The following MAN1A1 variants were observed in gnomAD, a reference collection of about 807,000 sequenced individuals.
The protein encoded by MAN1A1 is mannosidase alpha class 1A member 1.
MAN1A1 carries 29 observed loss-of-function variants against 70.8 expected under a neutral mutation model. That is an observed-to-expected ratio of 0.41 (90% CI 0.31 to 0.56). The LOEUF is 0.56. Among genes scored for constraint, MAN1A1 ranks in the 20% least tolerant of loss-of-function variants. The pLI, the probability that MAN1A1 is intolerant of heterozygous loss-of-function variation, is 0.29. For synonymous variants in MAN1A1, 349 were observed against 330.1 expected (o/e 1.06, Z -0.62); for missense variants, 747 against 841.3 (o/e 0.89, Z 1.39).
intron 2 of MAN1A1, among the ~76,000 whole-genome samples, chr6:119,307,476 T>C (rs777417701): frequency 5.3e-5 from 8 of 152,240 alleles, no homozygotes; most frequent in Non-Finnish European, 1.2e-4. Flanking sequence ...TGACGAAGAC[T>C]ATATGGAGAA....
intron 2 of MAN1A1, among the ~76,000 whole-genome samples, chr6:119,341,573 T>C (rs1339153393): frequency 6.6e-6 from 1 of 152,168 alleles, no homozygotes; most frequent in Non-Finnish European, 1.5e-5. Flanking sequence ...CTAATAAATC[T>C]AAATTCAATG....
intron 5 of MAN1A1, among the ~76,000 whole-genome samples, chr6:119,260,342 T>C (rs1308449067): frequency 6.6e-6 from 1 of 152,204 alleles, no homozygotes; most frequent in Non-Finnish European, 1.5e-5. Context: ...TCTGGTATAA[T>C]AAGGATACAC....
At chr6:119,347,922 T>A (rs1773776352) in intron 2 of MAN1A1, among the ~76,000 whole-genome samples, 1 of 152,244 alleles carries the variant, frequency 6.6e-6, no homozygotes, top group Admixed American at 6.5e-5. Flanking sequence ...TTTCATTTTT[T>A]AAAAAAGTAA....
intron 5 of MAN1A1, among the ~76,000 whole-genome samples, chr6:119,251,162 T>C (rs1457278734): frequency 2.0e-5 from 3 of 152,178 alleles, no homozygotes; most frequent in Non-Finnish European, 2.9e-5. Flanking sequence ...TTTCCTTATT[T>C]CCATTAATAA....
chr6:119,207,415 T>C (rs1218143043), intron 6 of MAN1A1, among the ~76,000 whole-genome samples: 1 of 152,222 alleles, frequency 6.6e-6, no homozygotes, highest in Admixed American at 6.5e-5. Context: ...GTTAGATTAC[T>C]TATGAGATCA....
At chr6:119,338,625 G>GA (rs988661023) in intron 2 of MAN1A1, among the ~76,000 whole-genome samples, 1 of 152,122 alleles carries the variant, frequency 6.6e-6, no homozygotes, top group Admixed American at 6.5e-5. Context: ...TCAACTATTA[G>GA]AAAAGCATCC....
intron 2 of MAN1A1, among the ~76,000 whole-genome samples, chr6:119,335,077 CT>C (rs1338317713): frequency 2.0e-5 from 3 of 152,220 alleles, no homozygotes; most frequent in Non-Finnish European, 4.4e-5. Context: ...ATAATGCTTA[CT>C]TTCCTGCCAT....
At chr6:119,233,585 A>ATGC (rs1344141802) in intron 6 of MAN1A1, among the ~76,000 whole-genome samples, 2 of 152,262 alleles carry the variant, frequency 1.3e-5, no homozygotes, top group Non-Finnish European at 2.9e-5. Context: ...TTGAAGCCAA[A>ATGC]TGCAGGACTC....
At chr6:119,275,255 C>T (rs1163578180) in intron 5 of MAN1A1, among the ~76,000 whole-genome samples, 9 of 126,030 alleles carry the variant, frequency 7.1e-5, no homozygotes, top group African/African-American at 2.3e-4. Context: ...GGATTGCAGG[C>T]ATGCACCACC....
At chr6:119,340,689 G>A (rs1371344732) in intron 2 of MAN1A1, among the ~76,000 whole-genome samples, 1 of 152,158 alleles carries the variant, frequency 6.6e-6, no homozygotes, top group Admixed American at 6.6e-5. Context: ...AGAACTTGGT[G>A]TCCTTCATCA....
intron 6 of MAN1A1, among the ~76,000 whole-genome samples, chr6:119,206,640 T>A (rs950705871): frequency 6.6e-6 from 1 of 152,254 alleles, no homozygotes. Context: ...ATTTTCATAG[T>A]TGGCTTATAA....
intron 6 of MAN1A1, among the ~76,000 whole-genome samples, chr6:119,206,736 T>A (rs1039512946): frequency 6.6e-6 from 1 of 152,240 alleles, no homozygotes; most frequent in Non-Finnish European, 1.5e-5. Context: ...TAATTGGTCA[T>A]TAACTAGTTG....
chr6:119,288,121 A>C (rs1776428088), intron 5 of MAN1A1, among the ~76,000 whole-genome samples: 1 of 151,896 alleles, frequency 6.6e-6, no homozygotes, highest in African/African-American at 2.4e-5. Context: ...CAGTGTTTCT[A>C]ACTGTAACTT....
chr6:119,301,393 C>T (rs1379866061), intron 4 of MAN1A1, among the ~76,000 whole-genome samples: 1 of 152,150 alleles, frequency 6.6e-6, no homozygotes, highest in Non-Finnish European at 1.5e-5. Context: ...TTCTTTCCCT[C>T]AGTATACAAT....
At chr6:119,291,785 A>G (rs1004428617) in intron 4 of MAN1A1, among the ~76,000 whole-genome samples, 6 of 152,134 alleles carry the variant, frequency 3.9e-5, no homozygotes, top group South Asian at 2.1e-4. Context: ...CATAAAGGAC[A>G]TGATAATAAT....
chr6:119,334,890 T>A (rs1773412071), intron 2 of MAN1A1, among the ~76,000 whole-genome samples: 1 of 152,220 alleles, frequency 6.6e-6, no homozygotes, highest in Non-Finnish European at 1.5e-5. Flanking sequence ...CCAGATTTCT[T>A]TATCCCTGGC....
chr6:119,325,099 A>T (rs1372905734), intron 2 of MAN1A1, among the ~76,000 whole-genome samples: 1 of 152,216 alleles, frequency 6.6e-6, no homozygotes, highest in East Asian at 1.9e-4. Flanking sequence ...AGTAGTTACA[A>T]TTCCAGACAC....
At chr6:119,236,288 CT>C (rs1326172548) in intron 6 of MAN1A1, among the ~76,000 whole-genome samples, 4 of 152,142 alleles carry the variant, frequency 2.6e-5, no homozygotes, top group African/African-American at 9.7e-5. Context: ...CAAAAAGAAT[CT>C]TTTCAAAATA....
At chr6:119,200,210 TTA>T (rs1773679985) in intron 8 of MAN1A1, among the ~76,000 whole-genome samples, 1 of 152,192 alleles carries the variant, frequency 6.6e-6, no homozygotes, top group Non-Finnish European at 1.5e-5. Context: ...AAGACATGTA[TTA>T]TATGTCTTGT....
Sources: gnomAD v4.1 joint callset for allele counts (sites outside exome capture counted in the v4.1 genomes callset) on GRCh38, gnomAD v4.1.1 for gene constraint, MANE v1.5 for transcripts, NCBI Gene and HGNC (gene_info 2026-07-23, HGNC 2026-07-21) for gene names.